PCDHA1: variants seen among roughly 807,000 people sequenced by gnomAD.
PCDHA1 encodes protocadherin alpha-1.
PCDHA1 carries 42 observed loss-of-function variants against 61.3 expected under a neutral mutation model. The ratio of observed to expected loss-of-function variants is 0.69; its 90% CI spans 0.54 to 0.89. PCDHA1 has a LOEUF of 0.89. Among genes scored for constraint, PCDHA1 ranks in the 40% least tolerant of loss-of-function variants. The pLI, the probability that PCDHA1 is intolerant of heterozygous loss-of-function variation, is 0.00. For missense variants in PCDHA1, 1,256 were observed against 1,235.3 expected (o/e 1.02, Z -0.25); for synonymous variants, 610 against 553.8 (o/e 1.10, Z -1.43).
At chr5:140,813,284 ATC>A (rs1554126160) in intron 1 of PCDHA1, 160 of 152,310 alleles carry the variant, frequency 1.1e-3, no homozygotes, top group African/African-American at 3.8e-3. Context: ...TGAGAATTGT[ATC>A]ATTCTGAGAT....
chr5:140,874,129 GTTATC>G (rs1339746498), intron 1 of PCDHA1, among the ~76,000 whole-genome samples: 2 of 151,518 alleles, frequency 1.3e-5, no homozygotes, highest in Non-Finnish European at 2.9e-5. Flanking sequence ...GTTTATTTAA[GTTATC>G]TTATACTTGT....
intron 1 of PCDHA1, chr5:140,821,841 C>T: frequency 6.2e-7 from 1 of 1,614,178 alleles, no homozygotes; most frequent in Non-Finnish European, 8.5e-7. Flanking sequence ...TCCTTGCCTA[C>T]TGGAAGGCAG....
intron 1 of PCDHA1, chr5:140,927,132 G>C: frequency 6.2e-7 from 1 of 1,614,052 alleles, no homozygotes; most frequent in Non-Finnish European, 8.5e-7. Context: ...TCAGAGAGCC[G>C]GCGGACCGCG....
Position 140,876,461 on chromosome 5 carries a change from T to C in PCDHA1, c.2394+87777T>C, listed in dbSNP as rs782233071. 28 of 1,613,936 alleles carry C rather than the reference T, an allele frequency of 1.7e-5. No homozygotes were observed. In the East Asian group the frequency reaches 5.8e-4, roughly 33 times the overall value. ...GCCATTGATAAAGGGATTCCTTCCA[T>C]GGCAGGTCACAGCATGGTCCTGGTG... On this transcript the variant is annotated intron_variant, in intron 1 of 3. Coordinates refer to ENST00000504120, the MANE Select transcript of PCDHA1 (RefSeq NM_018900.4).
At chr5:140,806,068 CT>C (rs1763679456) in intron 1 of PCDHA1, among the ~76,000 whole-genome samples, 1 of 152,094 alleles carries the variant, frequency 6.6e-6, no homozygotes, top group Non-Finnish European at 1.5e-5. Flanking sequence ...CACCCTGGTG[CT>C]GCAGTTTGTA....
chr5:140,849,915 A>T (rs1554143492), intron 1 of PCDHA1: 3 of 1,598,260 alleles, frequency 1.9e-6, no homozygotes, highest in Non-Finnish European at 8.6e-7. Context: ...GGGCTGCCAC[A>T]TCTTCACGGT....
At chr5:140,914,439 T>A (rs1352001626) in intron 1 of PCDHA1, among the ~76,000 whole-genome samples, 2 of 152,310 alleles carry the variant, frequency 1.3e-5, no homozygotes, top group South Asian at 2.1e-4. Context: ...TCTTTTCCCA[T>A]GTCTTTATTT....
At position 140,857,621 on chromosome 5, in the gene PCDHA1, G is replaced by A. The variant is rs962164938; in HGVS notation, c.2394+68937G>A. ...GTACGCGCTGCAGCCGCTGGACCAC[G>A]AGGAGCTGGAGCTGCTACAGTTCCA... On this transcript the variant is annotated intron_variant, in intron 1 of 3. Transcript: ENST00000504120. The A allele has an allele frequency of 4.4e-6, 7 of 1,596,528 alleles. 1 individual carries two copies. In the African/African-American group the frequency reaches 8.1e-5, roughly 18 times the overall value.
At chr5:140,868,380 G>T (rs2050428157) in intron 1 of PCDHA1, 1 of 152,028 alleles carries the variant, frequency 6.6e-6, no homozygotes, top group South Asian at 2.1e-4. Context: ...AGTAAAGAAT[G>T]AGAACTATAG....
At chr5:140,806,677 A>G (rs1441336861) in intron 1 of PCDHA1, among the ~76,000 whole-genome samples, 1 of 152,258 alleles carries the variant, frequency 6.6e-6, no homozygotes, top group Non-Finnish European at 1.5e-5. Flanking sequence ...AAACCCTGGA[A>G]TTCTTGGGAA....
At chr5:140,888,956 G>A (rs1043287613) in intron 1 of PCDHA1, among the ~76,000 whole-genome samples, 1 of 151,722 alleles carries the variant, frequency 6.6e-6, no homozygotes, top group Non-Finnish European at 1.5e-5. Context: ...TTTTTCTTTG[G>A]CAATGTTAAT....
intron 1 of PCDHA1, chr5:140,817,607 C>T (rs1766165670): frequency 6.6e-6 from 1 of 152,170 alleles, no homozygotes. Context: ...AACGCTAAGA[C>T]CTTGAATCAT....
intron 1 of PCDHA1, chr5:140,796,422 G>A (rs1554119892): frequency 1.9e-6 from 3 of 1,613,842 alleles, no homozygotes; most frequent in Non-Finnish European, 2.5e-6. Flanking sequence ...ACGCGCAGGA[G>A]AACGCGCTGG....
intron 1 of PCDHA1, among the ~76,000 whole-genome samples, chr5:140,920,717 G>A (rs1042476401): frequency 1.3e-5 from 2 of 152,044 alleles, no homozygotes; most frequent in African/African-American, 2.4e-5. Flanking sequence ...GGTGGTGTGC[G>A]CCTGCAGTCC....
At chr5:140,808,263 T>A (rs782815888) in intron 1 of PCDHA1, 2 of 1,614,224 alleles carry the variant, frequency 1.2e-6, no homozygotes, top group African/African-American at 2.7e-5. Context: ...TCACTTCCAA[T>A]TAGAGAGGAC....
chr5:140,884,439 C>G (rs1554181562), intron 1 of PCDHA1: 2 of 1,613,818 alleles, frequency 1.2e-6, no homozygotes, highest in East Asian at 2.2e-5. Context: ...CTGCGGTGCT[C>G]GGCACCGCCC....
intron 1 of PCDHA1, chr5:140,801,722 T>C (rs1163429543): frequency 1.9e-6 from 3 of 1,578,032 alleles, no homozygotes; most frequent in Non-Finnish European, 2.6e-6. Context: ...TTGATTCCAC[T>C]GAATATTTTA....
At chr5:140,968,278 G>A in intron 1 of PCDHA1, 1 of 1,614,014 alleles carries the variant, frequency 6.2e-7, no homozygotes, top group Non-Finnish European at 8.5e-7. Context: ...ATGCAGAGGT[G>A]ACCTACTCCC....
chr5:140,882,156 A>C (rs1582595846), intron 1 of PCDHA1: 2 of 1,504,204 alleles, frequency 1.3e-6, no homozygotes, highest in Non-Finnish European at 1.8e-6. Flanking sequence ...AAAGCGGAAT[A>C]CCTCTTGCGA....
Sources: gnomAD v4.1 joint callset for allele counts (sites outside exome capture counted in the v4.1 genomes callset) on GRCh38, gnomAD v4.1.1 for gene constraint, MANE v1.5 for transcripts, NCBI Gene and HGNC (gene_info 2026-07-23, HGNC 2026-07-21) for gene names.